DDHD1: variants seen among roughly 807,000 people sequenced by gnomAD.
DDHD1 encodes the protein phospholipase DDHD1.
In DDHD1, 49 loss-of-function variants were observed where a neutral mutation model predicts 96.4. The ratio of observed to expected loss-of-function variants is 0.51; its 90% CI spans 0.40 to 0.64. DDHD1 has a LOEUF of 0.64. DDHD1 is among the 30% of genes least tolerant of loss of function. The pLI, the probability that DDHD1 is intolerant of heterozygous loss-of-function variation, is 0.00. For synonymous variants in DDHD1, 442 were observed against 446.5 expected (o/e 0.99, Z 0.13); for missense variants, 1,106 against 1,161.2 (o/e 0.95, Z 0.69).
At chr14:53,131,610 C>T (rs186010414) in intron 1 of DDHD1, among the ~76,000 whole-genome samples, 3 of 152,238 alleles carry the variant, frequency 2.0e-5, no homozygotes, top group African/African-American at 7.2e-5. Flanking sequence ...TGGACTGACC[C>T]AGACACCCAT....
In DDHD1 at chr14:53,152,378, T is replaced by G. The variant is rs1186603552; in HGVS notation, c.721A>C (p.Thr241Pro). The change falls in exon 1 of 13, where the codon ACG becomes CCG. Residue 241 changes from threonine (T) to proline (P), a missense_variant. Physicochemically the swap from Thr to Pro is conservative, Grantham distance 38. Coordinates refer to ENST00000673822, the MANE Select transcript of DDHD1 (RefSeq NM_001160148.2). ...EDRACGFCQS[T>P]TGHEPEMVEL... ...ACCATCTCCGGCTCGTGCCCCGTCGTACTCTGGCAGAAGCCGCAGGCGCGG... is the reference window on the plus strand; with the variant it reads ...ACCATCTCCGGCTCGTGCCCCGTCGGACTCTGGCAGAAGCCGCAGGCGCGG... 3 of 1,613,706 alleles carry G rather than the reference T, an allele frequency of 1.9e-6. No individual in the cohort carries two copies. The highest frequency in any genetic ancestry group is 2.5e-6 in the Non-Finnish European group (3 of 1,179,964).
At chr14:53,063,503 G>A (rs1883772174) in intron 6 of DDHD1, among the ~76,000 whole-genome samples, 1 of 149,710 alleles carries the variant, frequency 6.7e-6, no homozygotes, top group African/African-American at 2.5e-5. Flanking sequence ...AAAAACCAAA[G>A]TTCTATGCAA....
chr14:53,056,516 C>G (rs867825447), intron 9 of DDHD1, among the ~76,000 whole-genome samples: 1 of 152,252 alleles, frequency 6.6e-6, no homozygotes, highest in South Asian at 2.1e-4. Context: ...AGGCTGGTCT[C>G]AAACTCCTGG....
chr14:53,103,118 T>C (rs1200953781), intron 2 of DDHD1: 1 of 1,486,488 alleles, frequency 6.7e-7, no homozygotes, highest in Non-Finnish European at 9.2e-7. Flanking sequence ...ACTCAAGATT[T>C]AGACACACAA....
intron 5 of DDHD1, 59 bp from the exon 6 acceptor site, chr14:53,072,762 T>C: frequency 8.7e-7 from 1 of 1,147,688 alleles, no homozygotes; most frequent in African/African-American, 1.5e-5. Context: ...TACAGGAAAG[T>C]AATAGTGAAG....
At chr14:53,051,135 C>T (rs1439967939) in intron 12 of DDHD1, among the ~76,000 whole-genome samples, 4 of 140,092 alleles carry the variant, frequency 2.9e-5, no homozygotes, top group Non-Finnish European at 4.6e-5. Context: ...TTGGTTAAAA[C>T]ATTAAAAGAA....
intron 4 of DDHD1, among the ~76,000 whole-genome samples, chr14:53,090,131 C>A (rs1408649413): frequency 6.6e-6 from 1 of 152,178 alleles, no homozygotes; most frequent in East Asian, 1.9e-4. Flanking sequence ...AAATGCTCAT[C>A]ATCACTGGCC....
At chr14:53,068,460 A>G (rs1274500152) in intron 6 of DDHD1, among the ~76,000 whole-genome samples, 1 of 152,104 alleles carries the variant, frequency 6.6e-6, no homozygotes, top group Non-Finnish European at 1.5e-5. Flanking sequence ...TATGTTGTCC[A>G]GGCTGGTCTA....
chr14:53,125,777 T>C (rs28668931), intron 1 of DDHD1, among the ~76,000 whole-genome samples: 5,008 of 151,660 alleles, frequency 0.033, 284 homozygotes, highest in African/African-American at 0.11. Flanking sequence ...TCTTGGCTCA[T>C]TGCAACCTCC....
At chr14:53,061,028 G>C in intron 8 of DDHD1, 98 bp downstream of exon 8, 1 of 1,077,830 alleles carries the variant, frequency 9.3e-7, no homozygotes, top group Non-Finnish European at 1.3e-6. Context: ...TATTTTGAAA[G>C]AACAATAAAC....
In DDHD1 at chr14:53,046,721, G is replaced by T; in HGVS notation, c.*47C>A. ...GTATCTTGACACACACATTTTAACG[G>T]AAAAAAAAAAAATCAGTTTTAGGCC... On this transcript the variant is annotated 3_prime_UTR_variant, in exon 13 of 13. Transcript: ENST00000673822. The T allele has an allele frequency of 1.0e-6, 1 of 1,002,720 alleles. No individual in the cohort carries two copies. The allele number at this position is 1,002,720 out of a possible 1,614,324, so 62.1% of individuals were successfully genotyped here.
Position 53,152,507 on chromosome 14 carries a change from G to A in DDHD1, c.592C>T (p.Leu198=). The change falls in exon 1 of 13, where the codon CTG becomes TTG. Residue 198 remains leucine (L), a synonymous_variant. Coordinates refer to ENST00000673822, the MANE Select transcript of DDHD1 (RefSeq NM_001160148.2). ...LRIELAFRTL[L]QTTGARPQGG... is the part of the protein sequence containing the mutation. The stretch of plus-strand genomic sequence containing the variant: ...TGGGGCCGGGCACCCGTGGTCTGCA[G>A]CAGGGTCCGGAAGGCGAGCTCGATG... 6.2e-7 allele frequency: 1 copy of A among 1,613,336 alleles called. No individual in the cohort carries two copies. Among genetic ancestry groups the A allele is most frequent in the South Asian group, 1.1e-5 (1 of 91,076 alleles).
chr14:53,152,963 C>T lies in DDHD1; in HGVS notation c.136G>A (p.Gly46Ser), dbSNP rs61985140. 23,278 of 1,585,200 alleles carry T rather than the reference C, an allele frequency of 0.015. 234 individuals carry two copies. The highest frequency in any genetic ancestry group is 0.017 in the Non-Finnish European group (19,286 of 1,168,430). The change falls in exon 1 of 13, where the codon GGC becomes AGC. Residue 46 changes from glycine to serine, a missense_variant. Physicochemically the swap from Gly to Ser is moderately conservative, Grantham distance 56. Around this residue, in one of 2 missense-constraint regions of DDHD1, gnomAD observed 456 missense variants for 402.4 expected, o/e 1.13. Transcript: ENST00000673822. ...GGVCCFEHLP[G>S]GDPDDGDVPL... is the part of the protein sequence containing the mutation. ...ACGTCGCCGTCGTCCGGGTCCCCGC[C>T]GGGCAGGTGCTCGAAGCAGCAGACG...
At chr14:53,149,338 A>AT (rs1481350920) in intron 1 of DDHD1, among the ~76,000 whole-genome samples, 5 of 152,086 alleles carry the variant, frequency 3.3e-5, no homozygotes, top group Admixed American at 6.6e-5. Flanking sequence ...CTTACTGGAC[A>AT]TTTTTTTTCA....
intron 5 of DDHD1, among the ~76,000 whole-genome samples, chr14:53,072,974 C>T (rs1884650487): frequency 6.6e-6 from 1 of 151,736 alleles, no homozygotes; most frequent in African/African-American, 2.4e-5. Flanking sequence ...TTTGTATGTA[C>T]TGGCTTTTGC....
intron 1 of DDHD1, among the ~76,000 whole-genome samples, chr14:53,139,333 G>T (rs1050813779): frequency 6.6e-6 from 1 of 152,110 alleles, no homozygotes; most frequent in Non-Finnish European, 1.5e-5. Flanking sequence ...ATCTATTTCT[G>T]GGGGAGAGTA....
chr14:53,124,223 G>T (rs1889248649), intron 1 of DDHD1, among the ~76,000 whole-genome samples: 1 of 143,468 alleles, frequency 7.0e-6, no homozygotes, highest in Non-Finnish European at 1.5e-5. Flanking sequence ...CGACAAGAGT[G>T]AAACTCTGTC....
intron 4 of DDHD1, among the ~76,000 whole-genome samples, chr14:53,081,932 G>C (rs1885501694): frequency 6.6e-6 from 1 of 152,150 alleles, no homozygotes; most frequent in Non-Finnish European, 1.5e-5. Flanking sequence ...ATGGGGAAAA[G>C]AGGAAGAGGG....
chr14:53,127,395 T>C (rs1442312723), intron 1 of DDHD1, among the ~76,000 whole-genome samples: 1 of 152,254 alleles, frequency 6.6e-6, no homozygotes, highest in Non-Finnish European at 1.5e-5. Flanking sequence ...GCTTATCATC[T>C]ATAACATGAA....
Sources: allele counts gnomAD v4.1 joint callset (sites outside exome capture counted in the v4.1 genomes callset), GRCh38; gene constraint gnomAD v4.1.1; regional missense constraint gnomAD v4.1.1; transcripts MANE v1.5; gene names NCBI Gene and HGNC (gene_info 2026-07-23, HGNC 2026-07-21).